SPAG16: variants seen among roughly 807,000 people sequenced by gnomAD.
The protein encoded by SPAG16 is sperm associated antigen 16.
A neutral mutation model predicts 80.4 loss-of-function variants in SPAG16; 86 were observed. The observed-to-expected ratio is 1.07, with a 90% CI of 0.90 to 1.28. The LOEUF (loss-of-function observed/expected upper bound fraction) is 1.28. Among genes scored for constraint, SPAG16 ranks in the 50% most tolerant of loss-of-function variants. SPAG16 has a pLI of 0.00. For missense variants in SPAG16, 870 were observed against 765.3 expected (o/e 1.14, Z -1.61); for synonymous variants, 294 against 265.9 (o/e 1.11, Z -1.03).
chr2:213,421,150 T>C (rs1176055537), intron 9 of SPAG16, among the ~76,000 whole-genome samples: 1 of 152,048 alleles, frequency 6.6e-6, no homozygotes, highest in Admixed American at 6.5e-5. Flanking sequence ...CCATATACTC[T>C]CGGGGTCCCA....
intron 10 of SPAG16, among the ~76,000 whole-genome samples, chr2:213,651,295 G>A (rs182359709): frequency 6.8e-4 from 104 of 152,210 alleles, no homozygotes; most frequent in South Asian, 8.3e-4. Flanking sequence ...AGTCAGGAAG[G>A]AAAAAGAAGG....
intron 12 of SPAG16, among the ~76,000 whole-genome samples, chr2:213,969,349 C>T (rs1027604762): frequency 2.6e-5 from 4 of 152,002 alleles, no homozygotes; most frequent in Non-Finnish European, 4.4e-5. Context: ...TAGGAGGTGC[C>T]GGGTGGTTAA....
intron 12 of SPAG16, among the ~76,000 whole-genome samples, chr2:213,949,773 A>T (rs1451350422): frequency 1.3e-5 from 2 of 152,242 alleles, no homozygotes; most frequent in East Asian, 3.8e-4. Flanking sequence ...ATCCACACAG[A>T]AACTATGTAC....
intron 15 of SPAG16, among the ~76,000 whole-genome samples, chr2:214,186,266 G>C (rs1410828353): frequency 1.3e-5 from 2 of 152,056 alleles, no homozygotes; most frequent in South Asian, 2.1e-4. Context: ...AGTGAAGCTG[G>C]AGTATAAAGC....
At chr2:214,064,992 TAAC>T (rs1383114500) in intron 13 of SPAG16, among the ~76,000 whole-genome samples, 7 of 151,984 alleles carry the variant, frequency 4.6e-5, no homozygotes, top group Admixed American at 3.9e-4. Context: ...TAAATAATAA[TAAC>T]AGTAACTTGT....
intron 3 of SPAG16, among the ~76,000 whole-genome samples, chr2:213,299,208 A>G (rs1431749827): frequency 6.6e-6 from 1 of 152,188 alleles, no homozygotes; most frequent in African/African-American, 2.4e-5. Flanking sequence ...AGTTGAAATA[A>G]TGTAAATTAT....
At chr2:214,062,972 T>C (rs888148088) in intron 13 of SPAG16, among the ~76,000 whole-genome samples, 3 of 152,124 alleles carry the variant, frequency 2.0e-5, no homozygotes, top group Non-Finnish European at 2.9e-5. Context: ...ATGTTGAAAA[T>C]AAGTGAAATT....
intron 15 of SPAG16, among the ~76,000 whole-genome samples, chr2:214,243,008 T>C (rs1413985225): frequency 1.3e-5 from 2 of 152,088 alleles, no homozygotes; most frequent in Non-Finnish European, 2.9e-5. Flanking sequence ...AAGATAAATG[T>C]TTTGAGTCAT....
intron 10 of SPAG16, among the ~76,000 whole-genome samples, chr2:213,839,616 AT>A (rs568257844): frequency 2.0e-5 from 3 of 151,640 alleles, no homozygotes; most frequent in Non-Finnish European, 4.4e-5. Context: ...CTAAAATGAC[AT>A]TTTTTTTTAA....
Position 213,346,503 on chromosome 2 carries a change from A to T in SPAG16, c.645-4025A>T, listed in dbSNP as rs1264392693. 5.9e-5 allele frequency among the ~76,000 whole-genome samples: 9 copies of T among 152,274 alleles called. No individual in the cohort carries two copies. In the East Asian group the frequency reaches 1.7e-3, roughly 29 times the overall value. ...TTCCAGTTTTTGCCCATTCAGTATG[A>T]TATTGGCTGTGGGTTTGTCATAGAT... On this transcript the variant is annotated intron_variant, in intron 6 of 15. Coordinates refer to ENST00000331683, the MANE Select transcript of SPAG16 (RefSeq NM_024532.5).
In SPAG16 at chr2:213,930,162, A is replaced by G. The variant is rs771948979; in HGVS notation, c.1400+17A>G. 4 of 1,604,846 alleles carry G rather than the reference A, an allele frequency of 2.5e-6. No homozygotes were observed. The highest frequency in any genetic ancestry group is 3.4e-6 in the Non-Finnish European group (4 of 1,173,712). On this transcript the variant is annotated intron_variant, in intron 12 of 15. Coordinates refer to ENST00000331683, the MANE Select transcript of SPAG16 (RefSeq NM_024532.5). The stretch of plus-strand genomic sequence containing the variant: ...TGTTAATAGGTAAGAAGTACTTTAA[A>G]CATTACTAATCCTCTGTGCTGATAC...
At chr2:213,749,871 AAG>A (rs2068004461) in intron 10 of SPAG16, among the ~76,000 whole-genome samples, 1 of 152,170 alleles carries the variant, frequency 6.6e-6, no homozygotes, top group Non-Finnish European at 1.5e-5. Flanking sequence ...CTTACACTAT[AAG>A]AGCCTATGTA....
In SPAG16 at chr2:214,057,924, GT is replaced by G. The variant is rs552131851; in HGVS notation, c.1527+43858del. On this transcript the variant is annotated intron_variant, in intron 13 of 15. Coordinates refer to ENST00000331683, the MANE Select transcript of SPAG16 (RefSeq NM_024532.5). ...CTAGTTTCCAACTTTTCTTCTGAAGGTTTTTTTTTTTCCTCTCTCAGCCTTC... is the reference window on the plus strand; with the variant it reads ...CTAGTTTCCAACTTTTCTTCTGAAGGTTTTTTTTTTCCTCTCTCAGCCTTC... Among the ~76,000 whole-genome samples the G allele has an allele frequency of 1.6e-3, 229 of 146,966 alleles. 1 individual carries two copies. Among genetic ancestry groups the G allele is most frequent in the African/African-American group, 5.0e-3 (200 of 40,258 alleles).
rs1268191074 is a variant in SPAG16 at position 213,284,504 on chromosome 2, G to C, written c.21G>C (p.Met7Ile). 2.5e-6 allele frequency: 4 copies of C among 1,575,480 alleles called. No homozygotes were observed. The highest frequency in any genetic ancestry group is 1.2e-5 in the South Asian group (1 of 86,122). MAAQRG[M>I]PSSAVRVLEE... ...CAGAGATGGCTGCTCAGCGAGGGAT[G>C]CCCAGCTCCGCCGTGAGGGTCCTGG... Residue 7 changes from methionine (M) to isoleucine (I), a missense_variant, in exon 1 of 16, where the codon ATG becomes ATC. By Grantham distance (10) the Met-to-Ile change is conservative (BLOSUM62 1). Coordinates refer to ENST00000331683, the MANE Select transcript of SPAG16 (RefSeq NM_024532.5).
intron 1 of SPAG16, 142 bp from the exon 2 acceptor site, chr2:213,295,922 T>C: frequency 1.7e-6 from 1 of 585,284 alleles, no homozygotes; most frequent in Non-Finnish European, 2.9e-6. Flanking sequence ...GGAAGACAAA[T>C]TTTTTAAAGA....
intron 11 of SPAG16, among the ~76,000 whole-genome samples, chr2:213,926,732 T>C (rs941392410): frequency 6.6e-6 from 1 of 152,222 alleles, no homozygotes; most frequent in Non-Finnish European, 1.5e-5. Flanking sequence ...TTGTACCCTT[T>C]AATTATAACA....
intron 15 of SPAG16, among the ~76,000 whole-genome samples, chr2:214,332,770 C>T (rs1030150517): frequency 6.6e-6 from 1 of 152,010 alleles, no homozygotes; most frequent in African/African-American, 2.4e-5. Context: ...CAAAAATCAC[C>T]CCCTCCTCAC....
intron 6 of SPAG16, among the ~76,000 whole-genome samples, chr2:213,349,304 A>G (rs1032707967): frequency 6.6e-5 from 10 of 152,188 alleles, no homozygotes; most frequent in African/African-American, 2.4e-4. Flanking sequence ...AAGAAACATG[A>G]AGAAATGAAA....
At position 213,509,185 on chromosome 2, in the gene SPAG16, A is replaced by G. The variant is rs116744840; in HGVS notation, c.1070+19095A>G. Among the ~76,000 whole-genome samples, 989 of 152,154 alleles carry G rather than the reference A, an allele frequency of 6.5e-3. 5 individuals carry two copies. Among genetic ancestry groups the G allele is most frequent in the Middle Eastern group, 0.01 (3 of 294 alleles). ...CTAATTTTTTATATTTTTAGAAGAG[A>G]CGGGGTTTCACCATCTTGGTCAGGC... On this transcript the variant is annotated intron_variant, in intron 10 of 15. Coordinates refer to ENST00000331683, the MANE Select transcript of SPAG16 (RefSeq NM_024532.5).
Sources: gnomAD v4.1 joint callset for allele counts (sites outside exome capture counted in the v4.1 genomes callset) on GRCh38, gnomAD v4.1.1 for gene constraint, MANE v1.5 for transcripts, NCBI Gene and HGNC (gene_info 2026-07-23, HGNC 2026-07-21) for gene names.